Variants in RALGAPA2 observed in about 807,000 individuals in gnomAD.
The protein encoded by RALGAPA2 is Ral GTPase activating protein catalytic subunit alpha 2.
Under a neutral mutation model 230.4 loss-of-function variants are expected in RALGAPA2, and 139 were observed. That is an observed-to-expected ratio of 0.60 (90% confidence interval 0.53 to 0.69). The LOEUF (loss-of-function observed/expected upper bound fraction) is 0.69. RALGAPA2 is among the 30% of genes least tolerant of loss of function. The pLI is 0.00. For missense variants in RALGAPA2, 2,163 were observed against 2,276.0 expected, an observed-to-expected ratio of 0.95 and a Z score of 1.01; for synonymous variants, 847 against 837.8, an observed-to-expected ratio of 1.01 and a Z score of -0.19.
At chr20:20,517,533 A>G (rs1430721892) in intron 31 of RALGAPA2, among the ~76,000 whole-genome samples, 3 of 152,184 alleles carry the variant, frequency 2.0e-5, no homozygotes, top group Non-Finnish European at 2.9e-5. Context: ...GAGTAAATAA[A>G]ATACTGGGGA....
At chr20:20,586,377 A>C (rs2065134684) in intron 18 of RALGAPA2, among the ~76,000 whole-genome samples, 1 of 152,216 alleles carries the variant, frequency 6.6e-6, no homozygotes, top group Non-Finnish European at 1.5e-5. Flanking sequence ...ACAAATGCAA[A>C]CATACTGTTG....
intron 4 of RALGAPA2, among the ~76,000 whole-genome samples, chr20:20,647,404 C>T (rs2067253516): frequency 6.6e-6 from 1 of 151,446 alleles, no homozygotes; most frequent in Admixed American, 6.6e-5. Context: ...AGAGAACTTC[C>T]TGGCACTACA....
At chr20:20,491,468 A>G (rs969396251) in intron 36 of RALGAPA2, among the ~76,000 whole-genome samples, 2 of 152,174 alleles carry the variant, frequency 1.3e-5, no homozygotes, top group Non-Finnish European at 1.5e-5. Context: ...AAACATGCCC[A>G]AACCACTAAA....
intron 37 of RALGAPA2, among the ~76,000 whole-genome samples, chr20:20,462,460 C>T (rs1419868027): frequency 6.6e-6 from 1 of 152,132 alleles, no homozygotes; most frequent in East Asian, 1.9e-4. Context: ...CAGAACCCTG[C>T]AGTATCCTTC....
intron 23 of RALGAPA2, among the ~76,000 whole-genome samples, chr20:20,553,531 A>C (rs951907881): frequency 1.3e-5 from 2 of 152,104 alleles, no homozygotes; most frequent in African/African-American, 4.8e-5. Context: ...CAGCCCAGGC[A>C]ACAGAGAGCG....
At chr20:20,682,074 T>G (rs2068540302) in intron 1 of RALGAPA2, among the ~76,000 whole-genome samples, 1 of 152,232 alleles carries the variant, frequency 6.6e-6, no homozygotes, top group Non-Finnish European at 1.5e-5. Flanking sequence ...CAGATGATTC[T>G]GAAGAGTTGT....
chr20:20,707,977 C>T (rs1336034272), intron 1 of RALGAPA2, among the ~76,000 whole-genome samples: 1 of 152,136 alleles, frequency 6.6e-6, no homozygotes, highest in East Asian at 1.9e-4. Context: ...TCTAACCTTG[C>T]TATGTCCAGT....
chr20:20,701,395 T>C (rs779817219), intron 1 of RALGAPA2, among the ~76,000 whole-genome samples: 2 of 152,244 alleles, frequency 1.3e-5, no homozygotes, highest in Non-Finnish European at 2.9e-5. Context: ...AGGTTCTCTA[T>C]GCACTTATCA....
In RALGAPA2 at chr20:20,712,354, CGCGCCCGGCGCGCGCCTCACCCAGCA is replaced by C; in HGVS notation, c.101_106+20del. The C allele has an allele frequency of 6.5e-7, 1 of 1,545,078 alleles. No homozygotes were observed. Among genetic ancestry groups the C allele is most frequent in the Non-Finnish European group, 8.7e-7 (1 of 1,144,148 alleles). On this transcript the variant is annotated splice_donor_variant and splice_donor_5th_base_variant and coding_sequence_variant and intron_variant, in exon 1 of 40. Coordinates refer to ENST00000202677, the MANE Select transcript of RALGAPA2 (RefSeq NM_020343.4). LOFTEE classifies it high-confidence loss of function. This position sits in a 1 kb window ranked among gnomAD's most constrained non-coding sequence, Gnocchi z 5.5. ...GCCCCTAACCCGGCGCCCCGACCCC[CGCGCCCGGCGCGCGCCTCACCCAGCA>C]GCGCCCGCAGGTGCTTCAGGCGGGT... is the stretch of plus-strand genomic sequence containing the variant.
chr20:20,621,841 A>G (rs1321634729), intron 10 of RALGAPA2, among the ~76,000 whole-genome samples: 1 of 152,224 alleles, frequency 6.6e-6, no homozygotes, highest in East Asian at 1.9e-4. Flanking sequence ...CTTTAATGTC[A>G]CAGATGAGGA....
At chr20:20,606,152 T>C (rs564931153) in intron 14 of RALGAPA2, among the ~76,000 whole-genome samples, 1 of 152,244 alleles carries the variant, frequency 6.6e-6, no homozygotes, top group Admixed American at 6.5e-5. Context: ...GCTACAGCCC[T>C]TTTCCTTCCA....
intron 16 of RALGAPA2, among the ~76,000 whole-genome samples, chr20:20,597,998 T>C (rs1422941490): frequency 6.6e-6 from 1 of 152,206 alleles, no homozygotes; most frequent in African/African-American, 2.4e-5. Flanking sequence ...AATTATTCAA[T>C]ATAGAGAAAG....
In RALGAPA2 at chr20:20,465,197, A is replaced by ACACTCTCT. The variant is rs772089136; in HGVS notation, c.5495+7631_5495+7632insAGAGAGTG. On this transcript the variant is annotated intron_variant, in intron 37 of 39. Coordinates refer to ENST00000202677, the MANE Select transcript of RALGAPA2 (RefSeq NM_020343.4). ...CACACACACACACACACACACACAC[A>ACACTCTCT]CTCTCTCATACTAGGGGACAGCAGC... Among the ~76,000 whole-genome samples the ACACTCTCT allele has an allele frequency of 1.2e-4, 17 of 147,444 alleles. No individual in the cohort carries two copies. The East Asian group carries it at 3.3e-3, about 29-fold the overall frequency.
At chr20:20,499,283 T>C (rs1379769235) in intron 35 of RALGAPA2, among the ~76,000 whole-genome samples, 2 of 152,156 alleles carry the variant, frequency 1.3e-5, no homozygotes, top group Non-Finnish European at 2.9e-5. Flanking sequence ...TAGAACATTA[T>C]TTACAGCTTG....
chr20:20,499,796 T>A (rs1373979745), intron 35 of RALGAPA2, among the ~76,000 whole-genome samples: 1 of 152,218 alleles, frequency 6.6e-6, no homozygotes, highest in Non-Finnish European at 1.5e-5. Context: ...AAGTTGTCTG[T>A]AATTGGGCCA....
At chr20:20,400,619 ACT>A (rs1383328263) in intron 38 of RALGAPA2, among the ~76,000 whole-genome samples, 2 of 152,050 alleles carry the variant, frequency 1.3e-5, no homozygotes, top group African/African-American at 4.8e-5. Flanking sequence ...ATGTTTCCAG[ACT>A]CTCTCACTCT....
chr20:20,675,405 A>G (rs1332990884), intron 3 of RALGAPA2, among the ~76,000 whole-genome samples: 1 of 152,096 alleles, frequency 6.6e-6, no homozygotes, highest in East Asian at 1.9e-4. Context: ...GATCTTTCCT[A>G]CAGTGCTTTG....
At chr20:20,396,646 C>T in intron 39 of RALGAPA2, 49 bp downstream of exon 39, 2 of 1,539,626 alleles carry the variant, frequency 1.3e-6, no homozygotes, top group Non-Finnish European at 8.9e-7. Context: ...GTCCCACCCC[C>T]TCCCCAAAGC....
intron 35 of RALGAPA2, among the ~76,000 whole-genome samples, chr20:20,496,508 C>T (rs939970587): frequency 5.9e-5 from 9 of 152,290 alleles, no homozygotes; most frequent in Middle Eastern, 3.4e-3. Flanking sequence ...CGTTCTCTCA[C>T]GTGGAACTGC....
Sources: allele counts gnomAD v4.1 joint callset (sites outside exome capture counted in the v4.1 genomes callset), GRCh38; gene constraint gnomAD v4.1.1; non-coding constraint Gnocchi (gnomAD v3.1); transcripts MANE v1.5; gene names NCBI Gene and HGNC (gene_info 2026-07-23, HGNC 2026-07-21).